CFAP206: variants seen among roughly 807,000 people sequenced by gnomAD.
CFAP206 encodes cilia and flagella associated protein 206.
In CFAP206, 53 loss-of-function variants were observed where a neutral mutation model predicts 65.4. The ratio of observed to expected loss-of-function variants is 0.81; its 90% confidence interval spans 0.65 to 1.02. The LOEUF (loss-of-function observed/expected upper bound fraction) is 1.02. Among genes scored for constraint, CFAP206 ranks in the 50% least tolerant of loss-of-function variants. The probability of loss-of-function intolerance (pLI) is 0.00; values close to 1 mark genes in which losing one functional copy is unlikely to be tolerated. For missense variants in CFAP206, 663 were observed against 753.2 expected (o/e 0.88, Z 1.40); for synonymous variants, 250 against 254.4 (o/e 0.98, Z 0.17).
chr6:87,434,644 C>G (rs1400015194), intron 10 of CFAP206, among the ~76,000 whole-genome samples: 1 of 151,934 alleles, frequency 6.6e-6, no homozygotes, highest in African/African-American at 2.4e-5. Flanking sequence ...ATTAGAGGTG[C>G]ACACCACCAC....
At chr6:87,409,246 G>T (rs1343297363) in intron 1 of CFAP206, among the ~76,000 whole-genome samples, 2 of 135,416 alleles carry the variant, frequency 1.5e-5, no homozygotes, top group African/African-American at 2.9e-5. Context: ...TTTTTCCTGA[G>T]ACACAGTTTC....
At chr6:87,449,436 C>CAAAAAAA (rs34540279) in intron 11 of CFAP206, among the ~76,000 whole-genome samples, 3 of 53,030 alleles carry the variant, frequency 5.7e-5, no homozygotes, top group African/African-American at 1.3e-4. Context: ...GACTCCATCT[C>CAAAAAAA]AAAAAAAAAA....
intron 11 of CFAP206, among the ~76,000 whole-genome samples, chr6:87,457,177 T>G (rs1032643563): frequency 6.7e-6 from 1 of 149,708 alleles, no homozygotes; most frequent in Non-Finnish European, 1.5e-5. Flanking sequence ...GAAAAGAAAT[T>G]GAAGAGGACA....
At chr6:87,446,160 C>T (rs1768437670) in intron 11 of CFAP206, among the ~76,000 whole-genome samples, 1 of 152,134 alleles carries the variant, frequency 6.6e-6, no homozygotes, top group Non-Finnish European at 1.5e-5. Flanking sequence ...GCTCTCTGTT[C>T]ACTCTGATGA....
intron 3 of CFAP206, 114 bp from the exon 4 acceptor site, chr6:87,413,696 T>G: frequency 1.6e-6 from 1 of 641,844 alleles, no homozygotes; most frequent in Non-Finnish European, 2.7e-6. Context: ...GGGTTATTGG[T>G]GAATCAATAT....
At chr6:87,445,174 T>C (rs968104615) in intron 11 of CFAP206, 8 of 279,600 alleles carry the variant, frequency 2.9e-5, no homozygotes, top group African/African-American at 1.8e-4. Context: ...ATCTCCCCTT[T>C]CTTTTTTATT....
rs1483752007 is a variant in CFAP206 at position 87,409,909 on chromosome 6, C to T, written c.70C>T (p.His24Tyr). 6.2e-7 allele frequency: 1 copy of T among 1,612,530 alleles called. No individual in the cohort carries two copies. Among genetic ancestry groups the T allele is most frequent in the Admixed American group, 1.7e-5 (1 of 59,822 alleles). ...IREIGQECAA[H>Y]GEIVSETLIA... The stretch of plus-strand genomic sequence containing the variant: ...AGAAATAGGACAAGAATGTGCAGCC[C>T]ATGGAGAGATTGTTTCTGAAACTCT... Residue 24 changes from histidine (H) to tyrosine (Y), a missense_variant, in exon 2 of 13, where the codon CAT (histidine) becomes TAT (tyrosine). Transcript: ENST00000369562.
At position 87,425,572 on chromosome 6, in the gene CFAP206, C is replaced by T. The variant is rs187146576; in HGVS notation, c.841-954C>T. 3.1e-3 allele frequency among the ~76,000 whole-genome samples: 475 copies of T among 152,174 alleles called. 4 individuals carry two copies. Among genetic ancestry groups the T allele is most frequent in the Middle Eastern group, 6.8e-3 (2 of 294 alleles). ...AACTTATTATGTGTGATCATTGAAA[C>T]CCAAGAAGTATTTCAAGTATGCTTA... On this transcript the variant is annotated intron_variant, in intron 7 of 12. Transcript: ENST00000369562.
Position 87,427,385 on chromosome 6 carries a change from C to T in CFAP206, c.960+740C>T, listed in dbSNP as rs1056834428. ...TGATCTCCTGACCTCGTGATCTGCC[C>T]GCCTCGGCCTCCCAAAGTTCTGGGA... On this transcript the variant is annotated intron_variant, in intron 8 of 12. Coordinates refer to ENST00000369562, the MANE Select transcript of CFAP206 (RefSeq NM_001031743.3). 7.2e-5 allele frequency among the ~76,000 whole-genome samples: 11 copies of T among 152,242 alleles called. 1 individual carries two copies. The highest frequency in any genetic ancestry group is 3.4e-3 in the Middle Eastern group (1 of 294).
intron 11 of CFAP206, among the ~76,000 whole-genome samples, chr6:87,448,493 C>A (rs1284914037): frequency 6.6e-6 from 1 of 152,132 alleles, no homozygotes; most frequent in Non-Finnish European, 1.5e-5. Flanking sequence ...ATGTTTACTA[C>A]TTCTTTGTGT....
Position 87,434,860 on chromosome 6 carries a change from G to A in CFAP206, c.1301G>A (p.Gly434Glu). The change falls in exon 11 of 13, where the codon GGA becomes GAA. Residue 434 changes from glycine to glutamate, a missense_variant and splice_region_variant. By Grantham distance (98) the Gly-to-Glu change is moderately conservative. Transcript: ENST00000369562. Reference sequence around the variant, plus strand: ...TATCTAATTCTTTTTTTATTTTCAGGAAATCCAGCAATTGGAATTTTAAAA... The same window carrying A: ...TATCTAATTCTTTTTTTATTTTCAGAAAATCCAGCAATTGGAATTTTAAAA... ...FAATDGLLLP[G>E]NPAIGILKYK... 7.6e-7 allele frequency: 1 copy of A among 1,315,334 alleles called. No homozygotes were observed. Among genetic ancestry groups the A allele is most frequent in the Non-Finnish European group, 1.1e-6 (1 of 948,410 alleles). The allele number at this position is 1,315,334 out of a possible 1,614,324, so 81.5% of individuals were successfully genotyped here.
In CFAP206 at chr6:87,427,118, T is replaced by C. The variant is rs1050795412; in HGVS notation, c.960+473T>C. Among the ~76,000 whole-genome samples the C allele has an allele frequency of 5.3e-5, 8 of 152,176 alleles. No homozygotes were observed. In the East Asian group the frequency reaches 5.8e-4, roughly 11 times the overall value. ...TCTGGATAAGGAGGTATAAAATGTATGTGCAGTATTATTTTTATTTATTTA... is the reference window on the plus strand; with the variant it reads ...TCTGGATAAGGAGGTATAAAATGTACGTGCAGTATTATTTTTATTTATTTA... On this transcript the variant is annotated intron_variant, in intron 8 of 12. Transcript: ENST00000369562.
chr6:87,428,536 C>T (rs866475168), intron 8 of CFAP206, 90 bp from the exon 9 acceptor site: 1 of 1,267,108 alleles, frequency 7.9e-7, no homozygotes, highest in Admixed American at 1.8e-5. Context: ...AACTTCTTTA[C>T]AAATGACAAT....
rs560029573 is a variant in CFAP206 at position 87,441,123 on chromosome 6, C to T, written c.1494+6070C>T. The stretch of plus-strand genomic sequence containing the variant: ...AGGGTATCAGTCTCTAGAAAGCAAC[C>T]ACCACCCTTCTATGTGTGTTCTCAT... On this transcript the variant is annotated intron_variant, in intron 11 of 12. Coordinates refer to ENST00000369562, the MANE Select transcript of CFAP206 (RefSeq NM_001031743.3). The T allele has an allele frequency of 5.5e-4, 94 of 171,506 alleles. No individual in the cohort carries two copies. In the South Asian group the frequency reaches 0.011, roughly 20 times the overall value. The allele number at this position is 171,506 out of a possible 1,614,324, so 10.6% of individuals were successfully genotyped here. A position where few individuals can be genotyped will look rare whatever the true frequency, so the allele number is the denominator to read the frequency against.
intron 11 of CFAP206, chr6:87,442,044 T>C (rs1192212547): frequency 4.5e-6 from 1 of 222,180 alleles, no homozygotes; most frequent in Admixed American, 4.4e-5. Flanking sequence ...CCTCAGATCT[T>C]GGAGTGGTGA....
chr6:87,434,502 CTTTTTT>C lies in CFAP206; in HGVS notation c.1301-348_1301-343del, dbSNP rs377378986. The stretch of plus-strand genomic sequence containing the variant: ...AGTAACAATATTTCTTTTTCTTTTT[CTTTTTT>C]TTTTTTTTTGAGACAGTCTTGCTCT... On this transcript the variant is annotated intron_variant, in intron 10 of 12. Transcript: ENST00000369562. Among the ~76,000 whole-genome samples the C allele has an allele frequency of 3.3e-3, 446 of 134,486 alleles. 5 individuals are homozygous for C. The highest frequency in any genetic ancestry group is 5.7e-3 in the Non-Finnish European group (365 of 63,664). The allele number at this position is 134,486 out of a possible 152,430, so 88.2% of individuals were successfully genotyped here.
At chr6:87,428,894 C>T (rs1455463440) in intron 9 of CFAP206, 70 bp downstream of exon 9, 2 of 1,383,588 alleles carry the variant, frequency 1.4e-6, no homozygotes, top group East Asian at 2.4e-5. Context: ...CTCTTTTGTT[C>T]TAAAAATTTC....
At chr6:87,434,338 G>T (rs1768213793) in intron 10 of CFAP206, among the ~76,000 whole-genome samples, 1 of 151,290 alleles carries the variant, frequency 6.6e-6, no homozygotes. Flanking sequence ...TGATGCTGCA[G>T]TGAGCTGAGA....
intron 11 of CFAP206, among the ~76,000 whole-genome samples, chr6:87,448,998 T>A (rs1768495033): frequency 6.6e-6 from 1 of 152,180 alleles, no homozygotes; most frequent in African/African-American, 2.4e-5. Context: ...CATACTAATT[T>A]CCTTTCCTTT....
Sources: gnomAD v4.1 joint callset for allele counts (sites outside exome capture counted in the v4.1 genomes callset) on GRCh38, gnomAD v4.1.1 for gene constraint, MANE v1.5 for transcripts, NCBI Gene and HGNC (gene_info 2026-07-23, HGNC 2026-07-21) for gene names.